The following BANK1 variants were observed in gnomAD, a reference collection of about 807,000 sequenced individuals.
The protein encoded by BANK1 is B cell scaffold protein with ankyrin repeats 1, also known as B-cell scaffold protein with ankyrin repeats.
A neutral mutation model predicts 94.5 loss-of-function variants in BANK1; 95 were observed. The ratio of observed to expected loss-of-function variants is 1.00; its 90% confidence interval spans 0.85 to 1.19. BANK1 has a LOEUF of 1.19. Among genes scored for constraint, BANK1 ranks in the 50% most tolerant of loss-of-function variants. BANK1 has a pLI of 0.00. For missense variants in BANK1, 987 were observed against 932.2 expected, an observed-to-expected ratio of 1.06 and a Z score of -0.77; for synonymous variants, 334 against 308.4, an observed-to-expected ratio of 1.08 and a Z score of -0.87.
chr4:101,792,219 C>T (rs1333883976), intron 1 of BANK1, among the ~76,000 whole-genome samples: 1 of 151,626 alleles, frequency 6.6e-6, no homozygotes, highest in Non-Finnish European at 1.5e-5. Context: ...ATATTTATAG[C>T]ATTCCAATTA....
chr4:101,975,291 G>A (rs1251593056), intron 7 of BANK1, among the ~76,000 whole-genome samples: 2 of 152,132 alleles, frequency 1.3e-5, no homozygotes. Context: ...TATTCAGACT[G>A]AGAGCAATGA....
At chr4:101,853,818 G>A (rs563592214) in intron 2 of BANK1, among the ~76,000 whole-genome samples, 5 of 152,108 alleles carry the variant, frequency 3.3e-5, no homozygotes, top group South Asian at 2.1e-4. Flanking sequence ...ATCACACCGC[G>A]TAGAGGGCAG....
chr4:101,991,163 T>A (rs1725693798), intron 7 of BANK1, among the ~76,000 whole-genome samples: 1 of 152,230 alleles, frequency 6.6e-6, no homozygotes, highest in African/African-American at 2.4e-5. Context: ...AGGACTGAGT[T>A]GGGATTTGAA....
chr4:101,883,314 GC>G (rs980258166), intron 5 of BANK1, among the ~76,000 whole-genome samples: 1 of 152,122 alleles, frequency 6.6e-6, no homozygotes, highest in Non-Finnish European at 1.5e-5. Context: ...AGATATACTA[GC>G]TGTTGTGAGA....
intron 10 of BANK1, among the ~76,000 whole-genome samples, chr4:102,034,152 T>C (rs1727419070): frequency 6.6e-6 from 1 of 152,108 alleles, no homozygotes; most frequent in Non-Finnish European, 1.5e-5. Context: ...AGCCCAAAAA[T>C]GGTATCAGTA....
chr4:102,030,345 G>A, intron 10 of BANK1, 80 bp downstream of exon 10: 1 of 1,339,038 alleles, frequency 7.5e-7, no homozygotes, highest in African/African-American at 1.5e-5. Context: ...ATAAGGTGAT[G>A]CAATTAATGC....
intron 7 of BANK1, among the ~76,000 whole-genome samples, chr4:102,009,787 A>G (rs1560684146): frequency 6.6e-6 from 1 of 152,134 alleles, no homozygotes; most frequent in Admixed American, 6.6e-5. Context: ...GTAAATAGTA[A>G]ATGTTATGTA....
At chr4:102,023,928 C>G (rs1042818734) in intron 8 of BANK1, among the ~76,000 whole-genome samples, 1 of 152,066 alleles carries the variant, frequency 6.6e-6, no homozygotes, top group Non-Finnish European at 1.5e-5. Flanking sequence ...TCATTTCAGG[C>G]TTAGTGTTTT....
At chr4:101,798,137 T>A (rs1725222680) in intron 1 of BANK1, among the ~76,000 whole-genome samples, 2 of 152,166 alleles carry the variant, frequency 1.3e-5, no homozygotes, top group Admixed American at 6.5e-5. Context: ...GCCAATGGAT[T>A]TGGCATCATG....
chr4:101,812,457 A>G (rs1725759216), intron 1 of BANK1, among the ~76,000 whole-genome samples: 1 of 151,978 alleles, frequency 6.6e-6, no homozygotes, highest in Admixed American at 6.6e-5. Flanking sequence ...TTTAAAGGTA[A>G]ATAATTAAGC....
At chr4:102,015,846 C>T (rs1726680530) in intron 7 of BANK1, among the ~76,000 whole-genome samples, 1 of 152,162 alleles carries the variant, frequency 6.6e-6, no homozygotes, top group Non-Finnish European at 1.5e-5. Context: ...CTCCCTCTTA[C>T]CCACTGTTAC....
intron 7 of BANK1, among the ~76,000 whole-genome samples, chr4:102,000,954 T>A (rs564806153): frequency 6.6e-6 from 1 of 152,286 alleles, no homozygotes; most frequent in Admixed American, 6.5e-5. Context: ...GTTTTTTCTG[T>A]TGTTGTTCCA....
In BANK1 at chr4:101,899,590, C is replaced by T. The variant is rs117116795; in HGVS notation, c.1009+4180C>T. On this transcript the variant is annotated intron_variant, in intron 6 of 16. Transcript: ENST00000322953. ...TTCAAAATTATACTATTGTTATTCA[C>T]GTTTACAGTGTTTCTTCAAAGATTC... is the stretch of plus-strand genomic sequence containing the variant. 2.2e-3 allele frequency among the ~76,000 whole-genome samples: 334 copies of T among 152,188 alleles called. 16 individuals carry two copies. In the East Asian group the frequency reaches 0.059, roughly 27 times the overall value.
At chr4:102,005,125 T>C (rs1726210787) in intron 7 of BANK1, among the ~76,000 whole-genome samples, 1 of 152,084 alleles carries the variant, frequency 6.6e-6, no homozygotes, top group Non-Finnish European at 1.5e-5. Flanking sequence ...TATTAAATGC[T>C]AAAATAGATG....
chr4:101,946,675 G>C (rs536569065), intron 7 of BANK1, among the ~76,000 whole-genome samples: 72 of 151,996 alleles, frequency 4.7e-4, no homozygotes, highest in South Asian at 1.5e-3. Context: ...TACATATCTG[G>C]TCATTAAAAC....
intron 7 of BANK1, among the ~76,000 whole-genome samples, chr4:101,936,641 A>T (rs574142797): frequency 6.6e-6 from 1 of 151,530 alleles, no homozygotes; most frequent in South Asian, 2.1e-4. Flanking sequence ...CAACTAAAAA[A>T]TAGACAAAAG....
intron 2 of BANK1, among the ~76,000 whole-genome samples, chr4:101,834,977 C>G (rs1372049293): frequency 6.6e-6 from 1 of 151,972 alleles, no homozygotes; most frequent in African/African-American, 2.4e-5. Flanking sequence ...TATTTTATTT[C>G]CTTTAAAGGA....
At chr4:101,956,440 G>T (rs960373716) in intron 7 of BANK1, among the ~76,000 whole-genome samples, 5 of 152,118 alleles carry the variant, frequency 3.3e-5, no homozygotes, top group African/African-American at 1.2e-4. Flanking sequence ...TGCAAACTCA[G>T]AGCAGAGAGT....
chr4:101,940,761 A>G (rs528840632), intron 7 of BANK1, among the ~76,000 whole-genome samples: 8 of 151,906 alleles, frequency 5.3e-5, no homozygotes, highest in African/African-American at 1.9e-4. Context: ...ATCACATCAC[A>G]TCATCTCATG....
Sources: allele counts gnomAD v4.1 joint callset (sites outside exome capture counted in the v4.1 genomes callset), GRCh38; gene constraint gnomAD v4.1.1; transcripts MANE v1.5; gene names NCBI Gene and HGNC (gene_info 2026-07-23, HGNC 2026-07-21).